AHRR: variants seen among roughly 807,000 people sequenced by gnomAD.
AHRR encodes the protein ahR repressor.
AHRR carries 28 observed loss-of-function variants against 44.0 expected under a neutral mutation model. The observed-to-expected ratio is 0.64, with a 90% CI of 0.47 to 0.87. The LOEUF is 0.87. Among genes scored for constraint, AHRR ranks in the 40% least tolerant of loss-of-function variants. The pLI is 0.00. For synonymous variants in AHRR, 434 were observed against 407.0 expected, an observed-to-expected ratio of 1.07 and a Z score of -0.80; for missense variants, 990 against 953.9, an observed-to-expected ratio of 1.04 and a Z score of -0.50.
At chr5:430,148 C>T (rs557665614) in intron 8 of AHRR, among the ~76,000 whole-genome samples, 63 of 152,184 alleles carry the variant, frequency 4.1e-4, no homozygotes, top group Non-Finnish European at 8.4e-4. Flanking sequence ...CCTTGTGGTC[C>T]GACTTTGAAT....
rs567534305 is a variant in AHRR at position 406,968 on chromosome 5, A to T, written c.352-6376A>T. Among the ~76,000 whole-genome samples, 139 of 152,320 alleles carry T rather than the reference A, an allele frequency of 9.1e-4. No homozygotes were observed. The Middle Eastern group carries it at 0.014, about 15-fold the overall frequency. ...ATCTCTGTCCCAGTGATTTGAGGTGACACCTTTTTCATGCATCAAATTTCC... is the reference window on the plus strand; with the variant it reads ...ATCTCTGTCCCAGTGATTTGAGGTGTCACCTTTTTCATGCATCAAATTTCC... On this transcript the variant is annotated intron_variant, in intron 4 of 10. Coordinates refer to ENST00000684583, the MANE Select transcript of AHRR (RefSeq NM_001377236.1). The surrounding 1 kb of genome is among the most constrained non-coding windows in gnomAD (Gnocchi z 4.7).
intron 5 of AHRR, among the ~76,000 whole-genome samples, chr5:418,017 T>C (rs1026276016): frequency 6.6e-6 from 1 of 152,216 alleles, no homozygotes; most frequent in Non-Finnish European, 1.5e-5. Flanking sequence ...TTCAATAAGT[T>C]GTTCGTTCTC....
At chr5:330,633 C>G (rs888658825) in intron 1 of AHRR, among the ~76,000 whole-genome samples, 1 of 152,136 alleles carries the variant, frequency 6.6e-6, no homozygotes, top group Non-Finnish European at 1.5e-5. Context: ...CTTGGCCTCC[C>G]AAAGTGGGAT....
At chr5:344,402 G>A (rs540269790) in intron 2 of AHRR, among the ~76,000 whole-genome samples, 595 of 22,662 alleles carry the variant, frequency 0.026, 23 homozygotes, top group Middle Eastern at 0.074. Flanking sequence ...GGGTGGGGAG[G>A]GCTGCGGGGG....
At chr5:332,607 A>T (rs1741966097) in intron 1 of AHRR, among the ~76,000 whole-genome samples, 1 of 152,166 alleles carries the variant, frequency 6.6e-6, no homozygotes, top group African/African-American at 2.4e-5. Flanking sequence ...GTCTTGGAGA[A>T]TGTCCCATGT....
intron 7 of AHRR, among the ~76,000 whole-genome samples, chr5:426,865 ATGG>A (rs1736431298): frequency 1.6e-5 from 2 of 126,684 alleles, no homozygotes; most frequent in Admixed American, 8.1e-5. Context: ...GGATGGGTGG[ATGG>A]ATGGATGGAT....
intron 10 of AHRR, 91 bp downstream of exon 10, chr5:433,038 AAAAT>A (rs1255647274): frequency 3.5e-6 from 5 of 1,415,364 alleles, no homozygotes; most frequent in Non-Finnish European, 4.7e-6. Context: ...ATTAAGAAGA[AAAAT>A]AAAAAAGACG....
At chr5:368,898 C>G (rs541298640) in intron 3 of AHRR, among the ~76,000 whole-genome samples, 2 of 152,316 alleles carry the variant, frequency 1.3e-5, no homozygotes, top group East Asian at 3.9e-4. Context: ...CTCTCTGGTG[C>G]TTTTTGAAAA....
intron 2 of AHRR, among the ~76,000 whole-genome samples, chr5:353,440 C>T (rs1396224213): frequency 2.0e-5 from 3 of 152,262 alleles, no homozygotes; most frequent in South Asian, 4.2e-4. Flanking sequence ...GTGCCTGTCC[C>T]GCAGCTGGGG....
At chr5:373,444 C>T (rs560485298) in intron 3 of AHRR, among the ~76,000 whole-genome samples, 1 of 152,352 alleles carries the variant, frequency 6.6e-6, no homozygotes, top group African/African-American at 2.4e-5. Flanking sequence ...TCCTCCCGCC[C>T]TGGGCCTGTG....
chr5:391,321 G>A (rs1370001600), intron 4 of AHRR, among the ~76,000 whole-genome samples: 2 of 133,190 alleles, frequency 1.5e-5, no homozygotes, highest in Non-Finnish European at 3.3e-5. Context: ...GCCAGAGCGT[G>A]CACGGGCGCA....
chr5:376,559 T>TGAATGAAGGAGAAACGCGG, intron 3 of AHRR, 51 bp from the exon 4 acceptor site: 1 of 241,106 alleles, frequency 4.1e-6, no homozygotes, highest in South Asian at 3.7e-5. Context: ...TGAAGAAGAG[T>TGAATGAAGGAGAAACGCGG]GGCCAGGCCA....
At chr5:396,967 C>A (rs940943469) in intron 4 of AHRR, among the ~76,000 whole-genome samples, 4 of 152,082 alleles carry the variant, frequency 2.6e-5, no homozygotes, top group African/African-American at 9.7e-5. Context: ...GGACTCTCCA[C>A]CATTTACCCC....
chr5:403,600 TGTAC>T (rs1471146472), intron 4 of AHRR: 3 of 449,022 alleles, frequency 6.7e-6, no homozygotes, highest in Non-Finnish European at 1.2e-5. Flanking sequence ...CGCACCACAC[TGTAC>T]TCCAGCCTAG....
chr5:363,138 G>A (rs1028835720), intron 3 of AHRR, among the ~76,000 whole-genome samples: 2 of 152,252 alleles, frequency 1.3e-5, no homozygotes, highest in African/African-American at 4.8e-5. Flanking sequence ...GAGGCTGGGT[G>A]TCAGGCTGGC....
intron 4 of AHRR, among the ~76,000 whole-genome samples, chr5:384,067 G>T (rs1734083872): frequency 6.6e-6 from 1 of 151,990 alleles, no homozygotes; most frequent in Non-Finnish European, 1.5e-5. Flanking sequence ...GACCCTGTAT[G>T]TAAAATGCCT....
At position 395,298 on chromosome 5, in the gene AHRR, G is replaced by A. The variant is rs1560906102; in HGVS notation, c.352-18046G>A. Among the ~76,000 whole-genome samples, 1 of 152,230 alleles carries A rather than the reference G, an allele frequency of 6.6e-6. No homozygotes were observed. Among genetic ancestry groups the A allele is most frequent in the East Asian group, 1.9e-4 (1 of 5,194 alleles). On this transcript the variant is annotated intron_variant, in intron 4 of 10. Coordinates refer to ENST00000684583, the MANE Select transcript of AHRR (RefSeq NM_001377236.1). The surrounding 1 kb of genome is among the most constrained non-coding windows in gnomAD (Gnocchi z 5.3). ...CAGACAGAGGGGGCCTGGGAGACAC[G>A]AGCCCCGGTGGTGGGATGCAGTTAG... is the stretch of plus-strand genomic sequence containing the variant.
At chr5:341,538 T>C (rs1022584630) in intron 1 of AHRR, among the ~76,000 whole-genome samples, 6 of 148,062 alleles carry the variant, frequency 4.1e-5, no homozygotes, top group Non-Finnish European at 7.5e-5. Flanking sequence ...CCTTCTTTTT[T>C]TTTTTTTTGA....
intron 3 of AHRR, among the ~76,000 whole-genome samples, chr5:372,523 T>C (rs1267422373): frequency 6.6e-6 from 1 of 152,152 alleles, no homozygotes; most frequent in African/African-American, 2.4e-5. Context: ...CCCAGCTCCC[T>C]GTCCAGCACT....
Sources: gnomAD v4.1 joint callset for allele counts (sites outside exome capture counted in the v4.1 genomes callset) on GRCh38, gnomAD v4.1.1 for gene constraint, Gnocchi (gnomAD v3.1) non-coding constraint, MANE v1.5 for transcripts, NCBI Gene and HGNC (gene_info 2026-07-23, HGNC 2026-07-21) for gene names.